KAT6B: variants seen among roughly 807,000 people sequenced by gnomAD.
KAT6B encodes histone acetyltransferase KAT6B.
Under a neutral mutation model 187.5 loss-of-function variants are expected in KAT6B, and 10 were observed. That is an observed-to-expected ratio of 0.05 (90% CI 0.03 to 0.09). The LOEUF (loss-of-function observed/expected upper bound fraction) is 0.09. Among genes scored for constraint, KAT6B ranks in the 10% least tolerant of loss-of-function variants. The pLI is 1.00. For synonymous variants in KAT6B, 861 were observed against 926.8 expected, an observed-to-expected ratio of 0.93 and a Z score of 1.29; for missense variants, 1,952 against 2,558.9, an observed-to-expected ratio of 0.76 and a Z score of 5.12.
chr10:74,895,933 T>C (rs528568938), intron 3 of KAT6B, among the ~76,000 whole-genome samples: 2 of 152,282 alleles, frequency 1.3e-5, no homozygotes, highest in African/African-American at 4.8e-5. Flanking sequence ...TTCCACACAC[T>C]GCTTTTTTGT....
intron 12 of KAT6B, among the ~76,000 whole-genome samples, chr10:74,987,091 G>A (rs1009830864): frequency 6.6e-6 from 1 of 152,152 alleles, no homozygotes; most frequent in South Asian, 2.1e-4. Context: ...ATACTAATAT[G>A]CCTTGGCAGT....
intron 3 of KAT6B, among the ~76,000 whole-genome samples, chr10:74,868,835 A>G (rs1036907373): frequency 6.6e-6 from 1 of 152,188 alleles, no homozygotes; most frequent in South Asian, 2.1e-4. Flanking sequence ...TAGAGATGAT[A>G]CAGCAGCCTC....
At position 74,976,019 on chromosome 10, in the gene KAT6B, G is replaced by T; in HGVS notation, c.1682G>T (p.Gly561Val). 1 of 1,614,080 alleles carries T rather than the reference G, an allele frequency of 6.2e-7. No homozygotes were observed. Among genetic ancestry groups the T allele is most frequent in the Non-Finnish European group, 8.5e-7 (1 of 1,180,026 alleles). Residue 561 changes from glycine to valine, a missense_variant, in exon 8 of 18, where the codon GGA becomes GTA. Around this residue, in one of 9 missense-constraint regions of KAT6B, gnomAD observed 417 missense variants for 508.9 expected, o/e 0.82. Transcript: ENST00000287239. ...ACTCAGGGACAGTCTCGCAAAAAGGGACACCCGAGTTATGCACCACCCAAA... is the reference window on the plus strand; with the variant it reads ...ACTCAGGGACAGTCTCGCAAAAAGGTACACCCGAGTTATGCACCACCCAAA... ...YTTQGQSRKK[G>V]HPSYAPPKRM... is the part of the protein sequence containing the mutation.
chr10:74,950,542 G>C (rs903681552), intron 3 of KAT6B, among the ~76,000 whole-genome samples: 3 of 152,190 alleles, frequency 2.0e-5, no homozygotes, highest in South Asian at 2.1e-4. Flanking sequence ...TGCTGTGAGG[G>C]AAAATCCTGA....
chr10:74,979,185 T>C, intron 9 of KAT6B, 39 bp from the exon 10 acceptor site: 3 of 1,388,738 alleles, frequency 2.2e-6, no homozygotes, highest in Non-Finnish European at 3.0e-6. Context: ...GTAAGTGAAG[T>C]ATATATATTA....
chr10:74,869,100 A>G (rs2132378526), intron 3 of KAT6B, among the ~76,000 whole-genome samples: 1 of 152,356 alleles, frequency 6.6e-6, no homozygotes, highest in South Asian at 2.1e-4. Flanking sequence ...ATGTAACAAC[A>G]TTAAAGAAAA....
intron 13 of KAT6B, among the ~76,000 whole-genome samples, chr10:74,989,366 G>A (rs748963125): frequency 6.6e-6 from 1 of 152,158 alleles, no homozygotes; most frequent in African/African-American, 2.4e-5. Context: ...TACCCTGAAT[G>A]AACCGACAGA....
At chr10:74,849,299 C>CTT (rs11382578) in intron 3 of KAT6B, among the ~76,000 whole-genome samples, 3,210 of 145,496 alleles carry the variant, frequency 0.022, 110 homozygotes, top group African/African-American at 0.074. Flanking sequence ...TAACTAATGA[C>CTT]TTTTTTTTTT....
chr10:74,837,252 G>T (rs1479650822), intron 1 of KAT6B, among the ~76,000 whole-genome samples: 1 of 152,166 alleles, frequency 6.6e-6, no homozygotes, highest in African/African-American at 2.4e-5. Context: ...TGTAAATAGT[G>T]TTATATTATA....
intron 13 of KAT6B, among the ~76,000 whole-genome samples, chr10:74,989,628 A>G (rs1233759071): frequency 6.6e-6 from 1 of 152,240 alleles, no homozygotes; most frequent in African/African-American, 2.4e-5. Context: ...TATTATGGAA[A>G]TTAATACAGT....
chr10:74,936,759 G>A (rs1849305723), intron 3 of KAT6B, among the ~76,000 whole-genome samples: 1 of 152,248 alleles, frequency 6.6e-6, no homozygotes, highest in African/African-American at 2.4e-5. Flanking sequence ...CTTAGAGGTT[G>A]CCACTTCCAT....
At chr10:74,912,166 A>T (rs1847254467) in intron 3 of KAT6B, among the ~76,000 whole-genome samples, 2 of 150,316 alleles carry the variant, frequency 1.3e-5, no homozygotes, top group South Asian at 4.2e-4. Context: ...ATTATGCTCA[A>T]TTTTTTTTTT....
chr10:74,868,158 C>T (rs1373678388), intron 3 of KAT6B, among the ~76,000 whole-genome samples: 1 of 152,136 alleles, frequency 6.6e-6, no homozygotes, highest in African/African-American at 2.4e-5. Context: ...TTTTATCATG[C>T]ATGCTTAATA....
At chr10:74,973,953 AACTTTTT>A (rs989708406) in intron 7 of KAT6B, among the ~76,000 whole-genome samples, 2 of 152,188 alleles carry the variant, frequency 1.3e-5, no homozygotes, top group African/African-American at 4.8e-5. Context: ...CACCAATCCT[AACTTTTT>A]GTTTGTCCAA....
At chr10:74,920,541 A>C (rs1028837124) in intron 3 of KAT6B, among the ~76,000 whole-genome samples, 1 of 152,164 alleles carries the variant, frequency 6.6e-6, no homozygotes, top group Non-Finnish European at 1.5e-5. Context: ...TTTATTGCCT[A>C]AACATGACAG....
Position 74,879,921 on chromosome 10 carries a change from C to T in KAT6B, c.621+36443C>T, listed in dbSNP as rs1041154234. 5.9e-5 allele frequency among the ~76,000 whole-genome samples: 9 copies of T among 152,110 alleles called. No homozygotes were observed. The East Asian group carries it at 1.7e-3, about 29-fold the overall frequency. ...ACCAGCCTGGCCAACACGGTGAAACCCCGTCTCTACTAAAAATACAAAAAT... is the reference window on the plus strand; with the variant it reads ...ACCAGCCTGGCCAACACGGTGAAACTCCGTCTCTACTAAAAATACAAAAAT... On this transcript the variant is annotated intron_variant, in intron 3 of 17. Transcript: ENST00000287239.
In KAT6B at chr10:74,842,613, A is replaced by C. The variant is rs886047241; in HGVS notation, c.-245A>C. ...TTATCCTTTAAGGTCTTGATTTCCC[A>C]GTTAAAGATGTTCTTCACCCGAATG... On this transcript the variant is annotated 5_prime_UTR_variant, in exon 3 of 18. Coordinates refer to ENST00000287239, the MANE Select transcript of KAT6B (RefSeq NM_012330.4). 266 of 601,026 alleles carry C rather than the reference A, an allele frequency of 4.4e-4. 3 individuals are homozygous for C. The East Asian group carries it at 7.3e-3, about 16-fold the overall frequency. 37.2% of individuals were successfully genotyped at this position (601,026 alleles called of 1,614,324 possible). A position where few individuals can be genotyped will look rare whatever the true frequency, so the allele number is the denominator to read the frequency against.
chr10:74,899,116 G>A (rs1338331598), intron 3 of KAT6B, among the ~76,000 whole-genome samples: 5 of 150,458 alleles, frequency 3.3e-5, no homozygotes, highest in Admixed American at 3.3e-4. Flanking sequence ...AGCTGAGATT[G>A]CGCCACTGCA....
At position 74,972,594 on chromosome 10, in the gene KAT6B, C is replaced by T; in HGVS notation, c.1016C>T (p.Ala339Val). Residue 339 changes from alanine (A) to valine (V), a missense_variant, in exon 7 of 18, where the codon GCA becomes GTA. Coordinates refer to ENST00000287239, the MANE Select transcript of KAT6B (RefSeq NM_012330.4). ...GCTGCACAAATAAAACGACGATATG[C>T]AAAACCCATTGGACGACCGAAAAAT... ...EKAAQIKRRY[A>V]KPIGRPKNKL... 1 of 1,613,162 alleles carries T rather than the reference C, an allele frequency of 6.2e-7. No individual in the cohort carries two copies. Among genetic ancestry groups the T allele is most frequent in the Non-Finnish European group, 8.5e-7 (1 of 1,179,354 alleles).
Sources: gnomAD v4.1 joint callset for allele counts (sites outside exome capture counted in the v4.1 genomes callset) on GRCh38, gnomAD v4.1.1 for gene constraint, gnomAD v4.1.1 regional missense constraint, MANE v1.5 for transcripts, NCBI Gene and HGNC (gene_info 2026-07-23, HGNC 2026-07-21) for gene names.